PTGER3: variants seen among roughly 807,000 people sequenced by gnomAD.
PTGER3 encodes prostaglandin E2 receptor EP3 subtype.
PTGER3 carries 22 observed loss-of-function variants against 34.7 expected under a neutral mutation model. That is an observed-to-expected ratio of 0.63 (90% CI 0.45 to 0.91). The LOEUF (loss-of-function observed/expected upper bound fraction) is 0.91. Ranked by LOEUF, PTGER3 falls within the 40% of genes least tolerant of loss-of-function variation. The pLI is 0.00. For missense variants in PTGER3, 468 were observed against 519.4 expected (o/e 0.90, Z 0.96); for synonymous variants, 241 against 230.1 (o/e 1.05, Z -0.43).
intron 4 of PTGER3, among the ~76,000 whole-genome samples, chr1:70,887,208 T>C (rs537418016): frequency 1.3e-5 from 2 of 152,344 alleles, no homozygotes; most frequent in African/African-American, 4.8e-5. Flanking sequence ...TTGGATCTTG[T>C]TGCATTTCCA....
intron 1 of PTGER3, among the ~76,000 whole-genome samples, chr1:71,028,650 C>T (rs973336432): frequency 6.6e-5 from 10 of 152,100 alleles, no homozygotes; most frequent in Admixed American, 2.6e-4. Context: ...TCCAAACATC[C>T]CTTTCATTTT....
chr1:70,854,720 A>AACCTCTTTT, intron 4 of PTGER3, among the ~76,000 whole-genome samples: 5 of 152,202 alleles, frequency 3.3e-5, no homozygotes, highest in African/African-American at 1.2e-4. Context: ...AGCCTAGGGA[A>AACCTCTTTT]CTGTGAGTCA....
intron 4 of PTGER3, among the ~76,000 whole-genome samples, chr1:70,893,886 A>T (rs956413916): frequency 6.6e-6 from 1 of 152,188 alleles, no homozygotes; most frequent in Non-Finnish European, 1.5e-5. Context: ...ACATTTTCTT[A>T]AATCCAACAA....
chr1:71,047,040 C>A lies in PTGER3; in HGVS notation c.538G>T (p.Gly180Cys), dbSNP rs1660898819. The change falls in exon 1 of 4, where the codon GGC becomes TGC. Residue 180 changes from glycine (G) to cysteine (C), a missense_variant. Gly to Cys is a radical substitution (Grantham distance 159). This residue lies in a region of PTGER3 where 204 missense variants were observed against 230.8 expected (regional missense o/e 0.88). Coordinates refer to ENST00000306666, the MANE Select transcript of PTGER3 (RefSeq NM_198719.2). ...AAGGCGAGCACGGCCAGCCACACGC[C>A]GAGCAGCACAGCGCGGGTGGCACGC... Reference protein sequence around the residue: ...KTRATRAVLLGVWLAVLAFAL... With the variant: ...KTRATRAVLLCVWLAVLAFAL... 1.2e-6 allele frequency: 2 copies of A among 1,611,012 alleles called. No homozygotes were observed. Among genetic ancestry groups the A allele is most frequent in the South Asian group, 1.1e-5 (1 of 90,890 alleles).
intron 1 of PTGER3, among the ~76,000 whole-genome samples, chr1:71,028,910 C>T (rs1259519556): frequency 6.6e-6 from 1 of 152,084 alleles, no homozygotes; most frequent in Admixed American, 6.6e-5. Flanking sequence ...ATTAATAATA[C>T]CCATGATTCA....
At chr1:71,042,245 T>C (rs1660382395) in intron 1 of PTGER3, among the ~76,000 whole-genome samples, 1 of 149,764 alleles carries the variant, frequency 6.7e-6, no homozygotes, top group South Asian at 2.2e-4. Context: ...ATCATTCCCA[T>C]TGATCTAGTG....
intron 2 of PTGER3, among the ~76,000 whole-genome samples, chr1:70,978,312 C>T (rs1449929218): frequency 6.6e-6 from 1 of 152,104 alleles, no homozygotes; most frequent in Admixed American, 6.6e-5. Context: ...ATTTACAAAC[C>T]TCCCCCCACT....
chr1:70,888,920 A>G (rs970180695), intron 4 of PTGER3, among the ~76,000 whole-genome samples: 1 of 152,216 alleles, frequency 6.6e-6, no homozygotes, highest in African/African-American at 2.4e-5. Context: ...AACAATTTGC[A>G]GCAGCCCTGA....
chr1:70,906,147 C>T (rs972642803), intron 4 of PTGER3, among the ~76,000 whole-genome samples: 2 of 152,168 alleles, frequency 1.3e-5, no homozygotes, highest in African/African-American at 4.8e-5. Flanking sequence ...GCCTCCGCAG[C>T]CATGTGGAAC....
chr1:71,039,180 C>T (rs1223005420), intron 1 of PTGER3, among the ~76,000 whole-genome samples: 1 of 152,072 alleles, frequency 6.6e-6, no homozygotes, highest in South Asian at 2.1e-4. Flanking sequence ...CATTCCAGAC[C>T]TGTGACAGAG....
At chr1:70,976,453 T>C (rs1021450068) in intron 2 of PTGER3, among the ~76,000 whole-genome samples, 5 of 152,092 alleles carry the variant, frequency 3.3e-5, no homozygotes, top group African/African-American at 9.7e-5. Context: ...GGGGAGTCTG[T>C]GAAAAATCTC....
At chr1:70,863,701 T>G (rs984416270) in intron 4 of PTGER3, among the ~76,000 whole-genome samples, 3 of 152,158 alleles carry the variant, frequency 2.0e-5, no homozygotes, top group African/African-American at 7.2e-5. Flanking sequence ...GATTTTTTTT[T>G]TTTGTGAAAC....
chr1:70,902,952 T>C (rs1646871286), intron 4 of PTGER3, among the ~76,000 whole-genome samples: 1 of 152,150 alleles, frequency 6.6e-6, no homozygotes, highest in Admixed American at 6.5e-5. Flanking sequence ...CTGTAAAAGT[T>C]AGCTTATTTG....
intron 4 of PTGER3, among the ~76,000 whole-genome samples, chr1:70,936,952 T>A (rs1306453987): frequency 6.6e-6 from 1 of 152,108 alleles, no homozygotes; most frequent in East Asian, 1.9e-4. Context: ...AAAGCAATAT[T>A]TCAGTAGGAG....
intron 2 of PTGER3, among the ~76,000 whole-genome samples, chr1:70,978,916 T>C (rs2100712168): frequency 6.6e-6 from 1 of 152,294 alleles, no homozygotes; most frequent in Non-Finnish European, 1.5e-5. Flanking sequence ...GTCACAAAGC[T>C]AGCTTGCAGC....
chr1:71,012,632 C>T lies in PTGER3; in HGVS notation c.898-148G>A, dbSNP rs1657547246. 2.9e-5 allele frequency: 20 copies of T among 690,284 alleles called. 1 individual carries two copies. In the South Asian group the frequency reaches 3.5e-4, roughly 12 times the overall value. 42.8% of individuals were successfully genotyped at this position (690,284 alleles called of 1,614,324 possible). A position where few individuals can be genotyped will look rare whatever the true frequency, so the allele number is the denominator to read the frequency against. On this transcript the variant is annotated intron_variant, in intron 1 of 3. Transcript: ENST00000306666. Reference sequence around the variant, plus strand: ...AAGCAACATTTATACTTGGATAACACAGTCCTGAATTATACAAGACATTCC... The same window carrying T: ...AAGCAACATTTATACTTGGATAACATAGTCCTGAATTATACAAGACATTCC...
At chr1:70,908,145 C>T (rs185999424) in intron 4 of PTGER3, among the ~76,000 whole-genome samples, 2 of 152,270 alleles carry the variant, frequency 1.3e-5, no homozygotes, top group East Asian at 3.9e-4. Flanking sequence ...AAATGAGTAC[C>T]TCCCAGGGTG....
chr1:70,997,646 G>C (rs966899286), intron 2 of PTGER3, among the ~76,000 whole-genome samples: 3 of 152,180 alleles, frequency 2.0e-5, no homozygotes, highest in Non-Finnish European at 4.4e-5. Context: ...TTCCAAAAAT[G>C]TTGTAAACTG....
At chr1:70,998,565 G>A (rs1280366594) in intron 2 of PTGER3, among the ~76,000 whole-genome samples, 3 of 152,102 alleles carry the variant, frequency 2.0e-5, no homozygotes, top group Admixed American at 6.5e-5. Flanking sequence ...AAATCTACTT[G>A]GAGACACAGT....
Sources: gnomAD v4.1 joint callset for allele counts (sites outside exome capture counted in the v4.1 genomes callset) on GRCh38, gnomAD v4.1.1 for gene constraint, gnomAD v4.1.1 regional missense constraint, MANE v1.5 for transcripts, NCBI Gene and HGNC (gene_info 2026-07-23, HGNC 2026-07-21) for gene names.